The following SBNO2 variants were observed in gnomAD, a reference collection of about 807,000 sequenced individuals.
SBNO2 encodes the protein protein strawberry notch homolog 2.
SBNO2 carries 89 observed loss-of-function variants against 146.3 expected under a neutral mutation model. That is an observed-to-expected ratio of 0.61 (90% confidence interval 0.51 to 0.73). The LOEUF is 0.73. Ranked by LOEUF, SBNO2 falls within the 30% of genes least tolerant of loss-of-function variation. The probability of loss-of-function intolerance (pLI) is 0.00; values close to 1 mark genes in which losing one functional copy is unlikely to be tolerated. For synonymous variants in SBNO2, 1,147 were observed against 892.6 expected (o/e 1.29, Z -5.08); for missense variants, 2,092 against 2,003.7 (o/e 1.04, Z -0.84).
At chr19:1,131,997 G>GCTCCGGCAGGGGGC in intron 4 of SBNO2, 1 of 923,304 alleles carries the variant, frequency 1.1e-6, no homozygotes, top group Non-Finnish European at 1.5e-6. Context: ...GATGCCGGCT[G>GCTCCGGCAGGGGGC]CTCCGGCAGG....
chr19:1,170,662 ACG>A (rs1302867854), intron 1 of SBNO2, among the ~76,000 whole-genome samples: 1 of 152,104 alleles, frequency 6.6e-6, no homozygotes, highest in South Asian at 2.1e-4. Context: ...CACACAACAC[ACG>A]CACACATACA....
At chr19:1,153,146 C>A (rs879806149) in intron 2 of SBNO2, among the ~76,000 whole-genome samples, 8 of 149,476 alleles carry the variant, frequency 5.4e-5, no homozygotes, top group Admixed American at 2.7e-4. Context: ...AGAGTGAAAC[C>A]GTGTTTTAAA....
Position 1,147,320 on chromosome 19 carries a change from C to G in SBNO2, c.268G>C (p.Asp90His). The change falls in exon 4 of 32, where the codon GAC becomes CAC. Residue 90 changes from aspartate (D) to histidine (H), a missense_variant. Asp to His is a moderately conservative substitution (Grantham distance 81). Transcript: ENST00000361757. ...TASSLPPKTC[D>H]FAQDSSYFED... ...CCTGGGGCTCCTACCTGAGCAAAGT[C>G]GCAGGTCTTTGGTGGCAAGCTGGAG... 1 of 1,577,838 alleles carries G rather than the reference C, an allele frequency of 6.3e-7. No homozygotes were observed.
intron 24 of SBNO2, 91 bp from the exon 25 acceptor site, chr19:1,111,184 T>TG (rs2079754899): frequency 6.6e-6 from 9 of 1,371,106 alleles, no homozygotes; most frequent in Non-Finnish European, 8.8e-6. Flanking sequence ...AGCAGCTCCC[T>TG]GGGGGGCTGG....
rs1306831443 is a variant in SBNO2 at position 1,108,275 on chromosome 19, C to T, written c.4046G>A (p.Arg1349Gln). ...AGGAAGGGPE[R>Q]QSVIQFSPPF... ...TGGGCTGAACTGGATCACGCTCTGC[C>T]GCTCGGGACCACCGCCCGCCGCGCC... Residue 1349 changes from arginine (R) to glutamine (Q), a missense_variant, in exon 32 of 32, where the codon CGG becomes CAG. Arg to Gln is a conservative substitution (Grantham distance 43). Coordinates refer to ENST00000361757, the MANE Select transcript of SBNO2 (RefSeq NM_014963.3). 19 of 1,513,108 alleles carry T rather than the reference C, an allele frequency of 1.3e-5. No homozygotes were observed. The highest frequency in any genetic ancestry group is 1.6e-5 in the Non-Finnish European group (18 of 1,129,052). The allele number at this position is 1,513,108 out of a possible 1,614,324, so 93.7% of individuals were successfully genotyped here.
At chr19:1,161,830 T>C (rs1391334324) in intron 1 of SBNO2, among the ~76,000 whole-genome samples, 10 of 146,134 alleles carry the variant, frequency 6.8e-5, no homozygotes, top group Admixed American at 1.4e-4. Flanking sequence ...GGCTCTGCTG[T>C]CTTGTGAAAG....
chr19:1,149,526 G>A (rs1599867682), intron 2 of SBNO2, 84 bp from the exon 3 acceptor site: 6 of 1,314,310 alleles, frequency 4.6e-6, no homozygotes, highest in East Asian at 2.5e-5. Flanking sequence ...AGGGTGACAG[G>A]CCGAGAGGCT....
At position 1,158,278 on chromosome 19, in the gene SBNO2, G is replaced by T. The variant is rs985439319; in HGVS notation, c.-126-3876C>A. Among the ~76,000 whole-genome samples, 12 of 151,986 alleles carry T rather than the reference G, an allele frequency of 7.9e-5. No homozygotes were observed. Among genetic ancestry groups the T allele is most frequent in the Non-Finnish European group, 1.2e-4 (8 of 67,976 alleles). On this transcript the variant is annotated intron_variant, in intron 1 of 31. Coordinates refer to ENST00000361757, the MANE Select transcript of SBNO2 (RefSeq NM_014963.3). The surrounding 1 kb of genome is among the most constrained non-coding windows in gnomAD (Gnocchi z 9.9). Reference sequence around the variant, plus strand: ...TCAGACCCGAGCCGTCTGCAGATGGGGAGCTGTGTCCTCGGAGCCCGGTTC... The same window carrying T: ...TCAGACCCGAGCCGTCTGCAGATGGTGAGCTGTGTCCTCGGAGCCCGGTTC...
intron 1 of SBNO2, among the ~76,000 whole-genome samples, chr19:1,172,634 C>G (rs1333743327): frequency 6.6e-6 from 1 of 152,224 alleles, no homozygotes; most frequent in African/African-American, 2.4e-5. Context: ...AGGAAGAGGC[C>G]TGGAAGAAAG....
intron 4 of SBNO2, among the ~76,000 whole-genome samples, chr19:1,132,851 C>G (rs561851678): frequency 6.6e-6 from 1 of 152,358 alleles, no homozygotes; most frequent in South Asian, 2.1e-4. Flanking sequence ...TCTCCAGGCT[C>G]TGGCCAGACC....
intron 24 of SBNO2, 83 bp from the exon 25 acceptor site, chr19:1,111,176 C>A: frequency 6.9e-7 from 1 of 1,446,932 alleles, no homozygotes; most frequent in South Asian, 1.3e-5. Flanking sequence ...CAGAGACCAG[C>A]AGCTCCCTGG....
intron 1 of SBNO2, 85 bp downstream of exon 1, chr19:1,174,087 G>C (rs1170165265): frequency 6.7e-6 from 1 of 149,744 alleles, no homozygotes; most frequent in East Asian, 2.0e-4. Flanking sequence ...GCAGGGGTCC[G>C]CGGGGAGCGC....
chr19:1,148,417 C>A (rs1007094712), intron 3 of SBNO2, among the ~76,000 whole-genome samples: 1 of 151,668 alleles, frequency 6.6e-6, no homozygotes, highest in Non-Finnish European at 1.5e-5. Flanking sequence ...CCAACTCCTA[C>A]CCCCCCTGCA....
chr19:1,114,517 C>T lies in SBNO2; in HGVS notation c.1886-95G>A, dbSNP rs888293882. The T allele has an allele frequency of 2.6e-5, 28 of 1,082,396 alleles. No individual in the cohort carries two copies. The Admixed American group carries it at 2.9e-4, about 11-fold the overall frequency. The allele number at this position is 1,082,396 out of a possible 1,614,324, so 67.0% of individuals were successfully genotyped here. On this transcript the variant is annotated intron_variant, in intron 17 of 31. Coordinates refer to ENST00000361757, the MANE Select transcript of SBNO2 (RefSeq NM_014963.3). ...GCAGGACAGAGCAAGGCCAGTGGTC[C>T]GAGCTGGGGAGGTCCATCCGAGAAC... is the stretch of plus-strand genomic sequence containing the variant.
At position 1,113,606 on chromosome 19, in the gene SBNO2, C is replaced by T. The variant is rs771108942; in HGVS notation, c.2176G>A (p.Gly726Ser). 4 of 1,597,936 alleles carry T rather than the reference C, an allele frequency of 2.5e-6. No individual in the cohort carries two copies. The highest frequency in any genetic ancestry group is 3.4e-6 in the Non-Finnish European group (4 of 1,174,356). ...QDLLDKVRRL[G>S]RELPVNTLDE... ...AGGGTGTTGACTGGCAGTTCCCGGC[C>T]CAGCCGCCGCACTTTGTCCAGCAGA... is the stretch of plus-strand genomic sequence containing the variant. Residue 726 changes from glycine (G) to serine (S), a missense_variant, in exon 19 of 32, where the codon GGC (glycine) becomes AGC (serine). Gly to Ser is a moderately conservative substitution (Grantham distance 56, BLOSUM62 0). Transcript: ENST00000361757.
chr19:1,117,234 G>A, intron 15 of SBNO2, 89 bp downstream of exon 15: 1 of 1,340,742 alleles, frequency 7.5e-7, no homozygotes, highest in Non-Finnish European at 1.0e-6. Context: ...CCCACGTCTG[G>A]GGAGGGGCCA....
intron 4 of SBNO2, among the ~76,000 whole-genome samples, chr19:1,129,142 C>T (rs1443384891): frequency 1.3e-5 from 2 of 152,114 alleles, no homozygotes; most frequent in Admixed American, 1.3e-4. Context: ...TGGTGCGTGC[C>T]TGTAATCCTA....
intron 6 of SBNO2, 56 bp from the exon 7 acceptor site, chr19:1,123,695 TG>T: frequency 1.3e-6 from 2 of 1,515,814 alleles, no homozygotes; most frequent in Non-Finnish European, 1.8e-6. Flanking sequence ...CCGCGGGCAC[TG>T]GGCTCCCCCA....
Position 1,140,842 on chromosome 19 carries a change from C to T in SBNO2, c.279+6467G>A, listed in dbSNP as rs1173328619. On this transcript the variant is annotated intron_variant, in intron 4 of 31. Coordinates refer to ENST00000361757, the MANE Select transcript of SBNO2 (RefSeq NM_014963.3). This position sits in a 1 kb window ranked among gnomAD's most constrained non-coding sequence, Gnocchi z 4.4. ...GAAATGGATGGTGAAGGAACCCCGT[C>T]CCCGCCAAGCGGCCAAAGTTACCAG... Among the ~76,000 whole-genome samples, 1 of 152,110 alleles carries T rather than the reference C, an allele frequency of 6.6e-6. No homozygotes were observed. Among genetic ancestry groups the T allele is most frequent in the African/African-American group, 2.4e-5 (1 of 41,406 alleles).
Sources: allele counts gnomAD v4.1 joint callset (sites outside exome capture counted in the v4.1 genomes callset), GRCh38; gene constraint gnomAD v4.1.1; non-coding constraint Gnocchi (gnomAD v3.1); transcripts MANE v1.5; gene names NCBI Gene and HGNC (gene_info 2026-07-23, HGNC 2026-07-21).